The following OR4C15 variants were observed in gnomAD, a reference collection of about 807,000 sequenced individuals.
OR4C15 encodes the protein olfactory receptor family 4 subfamily C member 15.
For synonymous variants in OR4C15, 216 were observed against 134.0 expected (o/e 1.61, Z -4.22); for missense variants, 697 against 377.5 (o/e 1.85, Z -7.01).
rs760598788 is a variant in OR4C15, at chr11:55,555,143, AAC to A, written c.681_682del (p.His227GlnfsTer3). ...SYAVILLSLR[T>X]HSSEGRWKAL... The stretch of plus-strand genomic sequence containing the variant: ...ATGCTGTCATCTTGCTCTCTCTGAG[AAC>A]ACACAGTTCTGAAGGGCGCTGGAAA... On this transcript the variant is annotated frameshift_variant, in exon 1 of 1. Coordinates refer to ENST00000642128, the MANE Select transcript of OR4C15 (RefSeq NM_001001920.3). LOFTEE classifies it low-confidence loss of function (END_TRUNC). 1.2e-6 allele frequency: 2 copies of A among 1,605,358 alleles called. No homozygotes were observed. Among genetic ancestry groups the A allele is most frequent in the Admixed American group, 1.7e-5 (1 of 59,604 alleles).
Position 55,554,529 on chromosome 11 carries a change from G to T in OR4C15, c.61G>T (p.Val21Phe). ...VLLGLSQNPNVQEIVFVVFLF... is the reference protein window; with the variant it reads ...VLLGLSQNPNFQEIVFVVFLF... ...CCTGGGACTTTCACAGAATCCAAAT[G>T]TTCAGGAAATAGTATTTGTTGTATT... is the stretch of plus-strand genomic sequence containing the variant. Residue 21 changes from valine to phenylalanine, a missense_variant, in exon 1 of 1, where the codon GTT (valine) becomes TTT (phenylalanine). Val to Phe is a conservative substitution (Grantham distance 50). Transcript: ENST00000642128. 6.2e-7 allele frequency: 1 copy of T among 1,613,956 alleles called. No homozygotes were observed. Among genetic ancestry groups the T allele is most frequent in the Non-Finnish European group, 8.5e-7 (1 of 1,179,918 alleles).
chr11:55,555,378 C>A lies in OR4C15; in HGVS notation c.910C>A (p.Leu304Met), dbSNP rs1157332486. 3 of 1,602,186 alleles carry A rather than the reference C, an allele frequency of 1.9e-6. No homozygotes were observed. The highest frequency in any genetic ancestry group is 2.5e-6 in the Non-Finnish European group (3 of 1,176,542). ...KQAMRRIWNR[L>M]MVVSDEKENI... ...GGCCATGAGGAGAATATGGAACAGA[C>A]TGATGGTGGTTTCTGATGAGAAAGA... The change falls in exon 1 of 1, where the codon CTG becomes ATG. Residue 304 changes from leucine to methionine, a missense_variant. Leu to Met is a conservative substitution (Grantham distance 15). Coordinates refer to ENST00000642128, the MANE Select transcript of OR4C15 (RefSeq NM_001001920.3).
Position 55,555,347 on chromosome 11 carries a change from A to G in OR4C15, c.879A>G (p.Val293=). The part of the protein sequence containing the change: ...PLIYTFRNKE[V]KQAMRRIWNR... ...TTTACACTTTCAGGAATAAGGAAGT[A>G]AAACAGGCCATGAGGAGAATATGGA... The change falls in exon 1 of 1, where the codon GTA becomes GTG. Residue 293 remains valine (V), a synonymous_variant. Transcript: ENST00000642128. The G allele has an allele frequency of 1.2e-6, 2 of 1,613,774 alleles. No individual in the cohort carries two copies. Among genetic ancestry groups the G allele is most frequent in the Middle Eastern group, 3.3e-4 (2 of 6,058 alleles).
In OR4C15 at chr11:55,555,104, G is replaced by T. The variant is rs770018589; in HGVS notation, c.636G>T (p.Leu212Phe). 22 of 1,613,836 alleles carry T rather than the reference G, an allele frequency of 1.4e-5. No individual in the cohort carries two copies. In the Admixed American group the frequency reaches 3.0e-4, roughly 22 times the overall value. Reference protein sequence around the residue: ...SGFICIINFSLLLVSYAVILL... With the variant: ...SGFICIINFSFLLVSYAVILL... ...TTATCTGCATCATAAACTTCTCCTT[G>T]TTGCTTGTCTCCTATGCTGTCATCT... The change falls in exon 1 of 1, where the codon TTG becomes TTT. Residue 212 changes from leucine (L) to phenylalanine (F), a missense_variant. By Grantham distance (22) the Leu-to-Phe change is conservative (BLOSUM62 0). Coordinates refer to ENST00000642128, the MANE Select transcript of OR4C15 (RefSeq NM_001001920.3).
chr11:55,555,014 G>A lies in OR4C15; in HGVS notation c.546G>A (p.Pro182=), dbSNP rs61919570. The A allele has an allele frequency of 0.054, 86,750 of 1,613,520 alleles. 2,690 individuals carry two copies. Among genetic ancestry groups the A allele is most frequent in the Non-Finnish European group, 0.062 (72,621 of 1,179,762 alleles). Residue 182 remains proline (P), a synonymous_variant, in exon 1 of 1, where the codon CCG becomes CCA. Transcript: ENST00000642128. ...VINHFMCDLY[P]LLELACTDTH... ...ATCACTTTATGTGTGACTTGTACCC[G>A]TTACTGGAGCTTGCCTGCACTGATA...
In OR4C15 at chr11:55,554,845, G is replaced by T. The variant is rs555404830; in HGVS notation, c.377G>T (p.Cys126Phe). The change falls in exon 1 of 1, where the codon TGC becomes TTC. Residue 126 changes from cysteine to phenylalanine, a missense_variant. Coordinates refer to ENST00000642128, the MANE Select transcript of OR4C15 (RefSeq NM_001001920.3). ...GCCTATGATCGTTATGTGGCCATTT[G>T]CAAGCCCTTGCATTACTCTTCTATC... Reference protein sequence around the residue: ...AMAYDRYVAICKPLHYSSIMN... With the variant: ...AMAYDRYVAIFKPLHYSSIMN... 1.9e-6 allele frequency: 3 copies of T among 1,613,852 alleles called. No homozygotes were observed. The highest frequency in any genetic ancestry group is 2.5e-6 in the Non-Finnish European group (3 of 1,179,964).
rs1398404894 is a variant in OR4C15 at position 55,555,235 on chromosome 11, T to C, written c.767T>C (p.Val256Ala). ...TTGTTCTTTGTCCCATGCATATTTG[T>C]ATATACACGACCTCCATCTGCTTTT... ...VILFFVPCIF[V>A]YTRPPSAFSL... is the part of the protein sequence containing the mutation. The change falls in exon 1 of 1, where the codon GTA becomes GCA. Residue 256 changes from valine to alanine, a missense_variant. Transcript: ENST00000642128. The C allele has an allele frequency of 1.3e-5, 21 of 1,613,838 alleles. No homozygotes were observed. Among genetic ancestry groups the C allele is most frequent in the Middle Eastern group, 1.6e-4 (1 of 6,082 alleles).
rs1244676808 is a variant in OR4C15 at position 55,554,515 on chromosome 11, C to T, written c.47C>T (p.Ser16Leu). The stretch of plus-strand genomic sequence containing the variant: ...ACTGAGTTTGTCCTCCTGGGACTTT[C>T]ACAGAATCCAAATGTTCAGGAAATA... ...FVTEFVLLGL[S>L]QNPNVQEIVF... is the part of the protein sequence containing the mutation. Residue 16 changes from serine (S) to leucine (L), a missense_variant, in exon 1 of 1, where the codon TCA becomes TTA. Coordinates refer to ENST00000642128, the MANE Select transcript of OR4C15 (RefSeq NM_001001920.3). 6.8e-6 allele frequency: 11 copies of T among 1,613,844 alleles called. No individual in the cohort carries two copies. Among genetic ancestry groups the T allele is most frequent in the Non-Finnish European group, 9.3e-6 (11 of 1,179,932 alleles).
At position 55,554,631 on chromosome 11, in the gene OR4C15, G is replaced by T. The variant is rs771166464; in HGVS notation, c.163G>T (p.Val55Leu). The T allele has an allele frequency of 5.6e-6, 9 of 1,613,618 alleles. No individual in the cohort carries two copies. The highest frequency in any genetic ancestry group is 1.7e-5 in the Admixed American group (1 of 59,964). ...CATTCTCAGCAGCCCTGCTCTTCTGGTGTCTCCTATGTACTTCTTCTTGGG... is the reference window on the plus strand; with the variant it reads ...CATTCTCAGCAGCCCTGCTCTTCTGTTGTCTCCTATGTACTTCTTCTTGGG... ...VTILSSPALL[V>L]SPMYFFLGFL... The change falls in exon 1 of 1, where the codon GTG becomes TTG. Residue 55 changes from valine (V) to leucine (L), a missense_variant. Transcript: ENST00000642128.
rs749655438 is a variant in OR4C15, at chr11:55,554,609, T to TC, written c.142dup (p.Leu48ProfsTer47). On this transcript the variant is annotated frameshift_variant, in exon 1 of 1. Coordinates refer to ENST00000642128, the MANE Select transcript of OR4C15 (RefSeq NM_001001920.3). LOFTEE classifies it low-confidence loss of function (END_TRUNC). Reference sequence around the variant, plus strand: ...GCAACATGCTAATTGTAGTAACCATTCTCAGCAGCCCTGCTCTTCTGGTGT... The same window carrying TC: ...GCAACATGCTAATTGTAGTAACCATTCCTCAGCAGCCCTGCTCTTCTGGTGT... The TC allele has an allele frequency of 6.2e-7, 1 of 1,613,934 alleles. No homozygotes were observed. The highest frequency in any genetic ancestry group is 1.1e-5 in the South Asian group (1 of 91,086).
chr11:55,555,308 G>A lies in OR4C15; in HGVS notation c.840G>A (p.Leu280=), dbSNP rs769561427. The part of the protein sequence containing the change: ...AAIFYIILNP[L]LNPLIYTFRN... ...TATTTTATATCATCTTAAATCCCTT[G>A]CTCAATCCTTTGATTTACACTTTCA... The change falls in exon 1 of 1, where the codon TTG becomes TTA. Residue 280 remains leucine (L), a synonymous_variant. Coordinates refer to ENST00000642128, the MANE Select transcript of OR4C15 (RefSeq NM_001001920.3). 7 of 1,613,612 alleles carry A rather than the reference G, an allele frequency of 4.3e-6. No homozygotes were observed. In the Admixed American group the frequency reaches 1.0e-4, roughly 23 times the overall value.
Position 55,555,143 on chromosome 11 carries a change from A to G in OR4C15, c.675A>G (p.Arg225=). Residue 225 remains arginine (R), a synonymous_variant, in exon 1 of 1, where the codon AGA becomes AGG. Coordinates refer to ENST00000642128, the MANE Select transcript of OR4C15 (RefSeq NM_001001920.3). ...VSYAVILLSL[R]THSSEGRWKA... The stretch of plus-strand genomic sequence containing the variant: ...ATGCTGTCATCTTGCTCTCTCTGAG[A>G]ACACACAGTTCTGAAGGGCGCTGGA... 1.2e-6 allele frequency: 2 copies of G among 1,605,358 alleles called. No homozygotes were observed. The highest frequency in any genetic ancestry group is 1.7e-6 in the Non-Finnish European group (2 of 1,179,718).
Position 55,554,765 on chromosome 11 carries a change from G to T in OR4C15, c.297G>T (p.Gln99His), listed in dbSNP as rs184437553. The change falls in exon 1 of 1, where the codon CAG (glutamine) becomes CAT (histidine). Residue 99 changes from glutamine to histidine, a missense_variant. Transcript: ENST00000642128. ...TCTCTTTTGAAGGCTGCATGATGCA[G>T]CTCTTTGCTGAACACTTCTTTGCTG... ...KTISFEGCMM[Q>H]LFAEHFFAGV... 769 of 1,613,932 alleles carry T rather than the reference G, an allele frequency of 4.8e-4. 4 individuals are homozygous for T. In the South Asian group the frequency reaches 8.0e-3, roughly 17 times the overall value.
Position 55,554,833 on chromosome 11 carries a change from A to C in OR4C15, c.365A>C (p.Tyr122Ser). 2 of 1,613,944 alleles carry C rather than the reference A, an allele frequency of 1.2e-6. No homozygotes were observed. Among genetic ancestry groups the C allele is most frequent in the Non-Finnish European group, 1.7e-6 (2 of 1,179,950 alleles). ...IVLTAMAYDRYVAICKPLHYS... is the reference protein window; with the variant it reads ...IVLTAMAYDRSVAICKPLHYS... ...CTCACAGCCATGGCCTATGATCGTT[A>C]TGTGGCCATTTGCAAGCCCTTGCAT... is the stretch of plus-strand genomic sequence containing the variant. Residue 122 changes from tyrosine to serine, a missense_variant, in exon 1 of 1, where the codon TAT becomes TCT. Tyr to Ser is a moderately radical substitution (Grantham distance 144, BLOSUM62 -2). Transcript: ENST00000642128.
chr11:55,554,840 C>A lies in OR4C15; in HGVS notation c.372C>A (p.Ala124=), dbSNP rs1275678594. 1 of 1,613,940 alleles carries A rather than the reference C, an allele frequency of 6.2e-7. No homozygotes were observed. The highest frequency in any genetic ancestry group is 8.5e-7 in the Non-Finnish European group (1 of 1,179,946). The change falls in exon 1 of 1, where the codon GCC becomes GCA. Residue 124 remains alanine, a synonymous_variant. Transcript: ENST00000642128. The stretch of plus-strand genomic sequence containing the variant: ...CCATGGCCTATGATCGTTATGTGGC[C>A]ATTTGCAAGCCCTTGCATTACTCTT... ...LTAMAYDRYV[A]ICKPLHYSSI... is the part of the protein sequence containing the mutation.
Position 55,554,834 on chromosome 11 carries a change from T to C in OR4C15, c.366T>C (p.Tyr122=), listed in dbSNP as rs1304519975. Reference sequence around the variant, plus strand: ...TCACAGCCATGGCCTATGATCGTTATGTGGCCATTTGCAAGCCCTTGCATT... The same window carrying C: ...TCACAGCCATGGCCTATGATCGTTACGTGGCCATTTGCAAGCCCTTGCATT... ...IVLTAMAYDR[Y]VAICKPLHYS... Residue 122 remains tyrosine, a synonymous_variant, in exon 1 of 1, where the codon TAT becomes TAC. Coordinates refer to ENST00000642128, the MANE Select transcript of OR4C15 (RefSeq NM_001001920.3). 1.9e-6 allele frequency: 3 copies of C among 1,614,020 alleles called. No individual in the cohort carries two copies. In the South Asian group the frequency reaches 3.3e-5, roughly 18 times the overall value.
At position 55,554,830 on chromosome 11, in the gene OR4C15, G is replaced by A. The variant is rs150813813; in HGVS notation, c.362G>A (p.Arg121His). The change falls in exon 1 of 1, where the codon CGT becomes CAT. Residue 121 changes from arginine (R) to histidine (H), a missense_variant. Physicochemically the swap from Arg to His is conservative, Grantham distance 29 (BLOSUM62 0). Transcript: ENST00000642128. ...GTCCTCACAGCCATGGCCTATGATC[G>A]TTATGTGGCCATTTGCAAGCCCTTG... ...VIVLTAMAYD[R>H]YVAICKPLHY... 382 of 1,613,906 alleles carry A rather than the reference G, an allele frequency of 2.4e-4. 1 individual carries two copies. Among genetic ancestry groups the A allele is most frequent in the South Asian group, 6.1e-4 (56 of 91,078 alleles).
rs752474891 is a variant in OR4C15 at position 55,554,598 on chromosome 11, G to T, written c.130G>T (p.Val44Leu). 23 of 1,613,788 alleles carry T rather than the reference G, an allele frequency of 1.4e-5. No individual in the cohort carries two copies. In the East Asian group the frequency reaches 5.1e-4, roughly 36 times the overall value. ...AACTGTTGGGGGCAACATGCTAATT[G>T]TAGTAACCATTCTCAGCAGCCCTGC... is the stretch of plus-strand genomic sequence containing the variant. ...IATVGGNMLI[V>L]VTILSSPALL... The change falls in exon 1 of 1, where the codon GTA becomes TTA. Residue 44 changes from valine (V) to leucine (L), a missense_variant. Coordinates refer to ENST00000642128, the MANE Select transcript of OR4C15 (RefSeq NM_001001920.3).
rs758044093 is a variant in OR4C15 at position 55,554,672 on chromosome 11, G to A, written c.204G>A (p.Leu68=). The A allele has an allele frequency of 1.1e-5, 17 of 1,613,344 alleles. No homozygotes were observed. The highest frequency in any genetic ancestry group is 1.4e-5 in the Non-Finnish European group (16 of 1,179,948). The change falls in exon 1 of 1, where the codon CTG becomes CTA. Residue 68 remains leucine, a synonymous_variant. Transcript: ENST00000642128. ...TCTTCTTGGGCTTCCTGTCCTTCCT[G>A]GATGCGTGCTTCTCATCTGTCATCA... ...MYFFLGFLSF[L]DACFSSVITP...
Sources: allele counts gnomAD v4.1 joint callset, GRCh38; gene constraint gnomAD v4.1.1; transcripts MANE v1.5; gene names NCBI Gene and HGNC (gene_info 2026-07-23, HGNC 2026-07-21).